Variants in SVIL observed in about 807,000 individuals in gnomAD.
SVIL encodes supervillin.
In SVIL, 101 loss-of-function variants were observed where a neutral mutation model predicts 240.4. The ratio of observed to expected loss-of-function variants is 0.42; its 90% CI spans 0.36 to 0.50. SVIL has a LOEUF of 0.50. SVIL is among the 20% of genes least tolerant of loss of function. SVIL has a pLI of 0.01. For missense variants in SVIL, 2,512 were observed against 2,818.7 expected (o/e 0.89, Z 2.46); for synonymous variants, 999 against 1,100.0 (o/e 0.91, Z 1.82).
At chr10:29,679,782 T>G (rs1450878743) in intron 2 of SVIL, among the ~76,000 whole-genome samples, 1 of 151,954 alleles carries the variant, frequency 6.6e-6, no homozygotes, top group African/African-American at 2.4e-5. Context: ...AGGGATCCAG[T>G]TCCACCTTTA....
chr10:29,578,657 C>T lies in SVIL; in HGVS notation c.-200-9345G>A, dbSNP rs563697255. Among the ~76,000 whole-genome samples, 11 of 152,302 alleles carry T rather than the reference C, an allele frequency of 7.2e-5. No individual in the cohort carries two copies. The South Asian group carries it at 2.3e-3, about 32-fold the overall frequency. On this transcript the variant is annotated intron_variant, in intron 1 of 37. Coordinates refer to ENST00000355867, the MANE Select transcript of SVIL (RefSeq NM_021738.3). ...CCTGCTCAAAAGCCTTTATTGTCTCCTAGCTAAAGGATTATAAAAACTGGA... is the reference window on the plus strand; with the variant it reads ...CCTGCTCAAAAGCCTTTATTGTCTCTTAGCTAAAGGATTATAAAAACTGGA...
Position 29,490,072 on chromosome 10 carries a change from G to C in SVIL, c.4192+775C>G, listed in dbSNP as rs193131101. On this transcript the variant is annotated intron_variant, in intron 22 of 37. Coordinates refer to ENST00000355867, the MANE Select transcript of SVIL (RefSeq NM_021738.3). ...GAACCCCACATTACTGGGCAGATGA[G>C]AGCAGTGTGGCTCAGCCTACAGTGA... 7.6e-3 allele frequency among the ~76,000 whole-genome samples: 1,156 copies of C among 152,072 alleles called. 7 individuals are homozygous for C. The highest frequency in any genetic ancestry group is 0.011 in the Non-Finnish European group (760 of 67,990).
At chr10:29,584,102 G>A (rs2132772677) in intron 1 of SVIL, among the ~76,000 whole-genome samples, 1 of 152,320 alleles carries the variant, frequency 6.6e-6, no homozygotes, top group Admixed American at 6.5e-5. Context: ...AGACTGGAGA[G>A]CTTACTTGTG....
chr10:29,678,859 C>T (rs2132580056), intron 2 of SVIL, among the ~76,000 whole-genome samples: 1 of 152,328 alleles, frequency 6.6e-6, no homozygotes, highest in Non-Finnish European at 1.5e-5. Context: ...ACCTGAGCTG[C>T]ATGACCATCT....
chr10:29,663,474 C>T (rs73596070), intron 2 of SVIL, among the ~76,000 whole-genome samples: 1,844 of 152,210 alleles, frequency 0.012, 42 homozygotes, highest in African/African-American at 0.04. Flanking sequence ...CTGCAACCTC[C>T]GCCTCCCAGG....
chr10:29,513,196 A>C (rs1949975348), intron 16 of SVIL, among the ~76,000 whole-genome samples: 1 of 152,234 alleles, frequency 6.6e-6, no homozygotes, highest in Non-Finnish European at 1.5e-5. Flanking sequence ...AATGTCTTTT[A>C]GCGACGCCTT....
intron 2 of SVIL, among the ~76,000 whole-genome samples, chr10:29,685,336 T>A (rs979981831): frequency 6.6e-5 from 10 of 152,216 alleles, no homozygotes; most frequent in African/African-American, 2.2e-4. Context: ...GATGGGCATT[T>A]AGGTTGATTC....
At position 29,493,193 on chromosome 10, in the gene SVIL, A is replaced by G. The variant is rs1309760510; in HGVS notation, c.4019+21T>C. The stretch of plus-strand genomic sequence containing the variant: ...GGAAGCCCTTCTCAGTGGAGGAAAG[A>G]CGGAGACCCAAATAACTCACTTGGG... On this transcript the variant is annotated intron_variant, in intron 21 of 37. Coordinates refer to ENST00000355867, the MANE Select transcript of SVIL (RefSeq NM_021738.3). The G allele has an allele frequency of 1.1e-5, 17 of 1,609,016 alleles. No individual in the cohort carries two copies. In the South Asian group the frequency reaches 1.7e-4, roughly 16 times the overall value.
chr10:29,567,722 G>A (rs1172013402), intron 2 of SVIL, among the ~76,000 whole-genome samples: 1 of 152,044 alleles, frequency 6.6e-6, no homozygotes, highest in South Asian at 2.1e-4. Flanking sequence ...GGACATATTA[G>A]AGACCAAGCC....
chr10:29,588,822 C>T (rs1956272476), intron 1 of SVIL, among the ~76,000 whole-genome samples: 2 of 152,146 alleles, frequency 1.3e-5, no homozygotes, highest in African/African-American at 4.8e-5. Context: ...ACTTCCCCCT[C>T]CTTTGTTTTC....
chr10:29,539,689 C>T (rs1952002472), intron 6 of SVIL, among the ~76,000 whole-genome samples: 1 of 152,188 alleles, frequency 6.6e-6, no homozygotes, highest in African/African-American at 2.4e-5. Flanking sequence ...TCCCATCTCC[C>T]CCATCAGACT....
intron 3 of SVIL, among the ~76,000 whole-genome samples, chr10:29,557,112 T>G (rs935288669): frequency 6.6e-6 from 1 of 151,892 alleles, no homozygotes; most frequent in African/African-American, 2.4e-5. Context: ...CCCTTTCTTT[T>G]TGAGACAGGG....
At chr10:29,626,205 A>G (rs1957860019) in intron 1 of SVIL, among the ~76,000 whole-genome samples, 1 of 152,158 alleles carries the variant, frequency 6.6e-6, no homozygotes, top group Non-Finnish European at 1.5e-5. Flanking sequence ...GCACACACAC[A>G]CGGTTATGGC....
At position 29,486,071 on chromosome 10, in the gene SVIL, C is replaced by G. The variant is rs368500738; in HGVS notation, c.4779+14G>C. The G allele has an allele frequency of 7.4e-6, 12 of 1,614,020 alleles. No individual in the cohort carries two copies. The Admixed American group carries it at 1.7e-4, about 22-fold the overall frequency. On this transcript the variant is annotated intron_variant, in intron 26 of 37. Coordinates refer to ENST00000355867, the MANE Select transcript of SVIL (RefSeq NM_021738.3). ...TGTGGTTTCTCACTGAAGGGCAGAG[C>G]CCACGGACTGTACCTCTTTGGGTTG... is the stretch of plus-strand genomic sequence containing the variant.
At chr10:29,708,132 C>A (rs1250210896) in intron 1 of SVIL, among the ~76,000 whole-genome samples, 1 of 151,788 alleles carries the variant, frequency 6.6e-6, no homozygotes, top group Admixed American at 6.6e-5. Context: ...GTGGAGGGCG[C>A]CTGTAGTCCC....
In SVIL at chr10:29,532,089, C is replaced by A; in HGVS notation, c.1922G>T (p.Arg641Leu). ...ERERGSRKPR[R>L]YFSPGESRKT... ...TCTACTTTCACCAGGAGAAAAATAG[C>A]GTCTTGGTTTCCGGGACCCTCTCTC... Residue 641 changes from arginine to leucine, a missense_variant, in exon 9 of 38, where the codon CGC becomes CTC. This residue lies in a region of SVIL where 1,443 missense variants were observed against 1,486.6 expected (regional missense o/e 0.97). Coordinates refer to ENST00000355867, the MANE Select transcript of SVIL (RefSeq NM_021738.3). 1 of 1,614,078 alleles carries A rather than the reference C, an allele frequency of 6.2e-7. No homozygotes were observed. Among genetic ancestry groups the A allele is most frequent in the Non-Finnish European group, 8.5e-7 (1 of 1,179,938 alleles).
upstream of SVIL, among the ~76,000 whole-genome samples, chr10:29,635,125 C>T (rs1958262118): frequency 6.6e-6 from 1 of 152,166 alleles, no homozygotes; most frequent in Non-Finnish European, 1.5e-5. Context: ...ATTAGGTTGT[C>T]CACACTGTCT....
At chr10:29,485,226 G>T (rs3858231) in intron 26 of SVIL, among the ~76,000 whole-genome samples, 34 of 150,956 alleles carry the variant, frequency 2.3e-4, no homozygotes, top group African/African-American at 7.3e-4. Flanking sequence ...TTCATATACC[G>T]CAGGCACTCA....
chr10:29,630,651 G>A (rs764345790), intron 1 of SVIL, among the ~76,000 whole-genome samples: 2 of 151,962 alleles, frequency 1.3e-5, no homozygotes, highest in Non-Finnish European at 2.9e-5. Flanking sequence ...TTAATTTCCC[G>A]GTTGGCAAAA....
Sources: gnomAD v4.1 joint callset for allele counts (sites outside exome capture counted in the v4.1 genomes callset) on GRCh38, gnomAD v4.1.1 for gene constraint, gnomAD v4.1.1 regional missense constraint, MANE v1.5 for transcripts, NCBI Gene and HGNC (gene_info 2026-07-23, HGNC 2026-07-21) for gene names.